The following SLC9A9 variants were observed in gnomAD, a reference collection of about 807,000 sequenced individuals.
SLC9A9 encodes the protein sodium/hydrogen exchanger 9.
Under a neutral mutation model 77.8 loss-of-function variants are expected in SLC9A9, and 62 were observed. That is an observed-to-expected ratio of 0.80 (90% confidence interval 0.65 to 0.98). The LOEUF (loss-of-function observed/expected upper bound fraction) is 0.98, where lower values mean the gene tolerates loss of function less well. Among genes scored for constraint, SLC9A9 ranks in the 50% least tolerant of loss-of-function variants. The pLI is 0.00. For synonymous variants in SLC9A9, 320 were observed against 283.5 expected, an observed-to-expected ratio of 1.13 and a Z score of -1.29; for missense variants, 775 against 774.9, an observed-to-expected ratio of 1.00 and a Z score of 0.00.
intron 12 of SLC9A9, among the ~76,000 whole-genome samples, chr3:143,436,384 G>A (rs577887588): frequency 6.6e-6 from 1 of 152,320 alleles, no homozygotes; most frequent in African/African-American, 2.4e-5. Flanking sequence ...AGGCCCTGTT[G>A]CTCATCACTG....
At position 143,640,316 on chromosome 3, in the gene SLC9A9, C is replaced by T. The variant is rs985037661; in HGVS notation, c.755+11939G>A. Among the ~76,000 whole-genome samples the T allele has an allele frequency of 7.2e-5, 11 of 152,250 alleles. No individual in the cohort carries two copies. In the South Asian group the frequency reaches 1.0e-3, roughly 14 times the overall value. The stretch of plus-strand genomic sequence containing the variant: ...GATTACAGGCGTGAGCCACCGTGCG[C>T]AACCTTGTAATTTCTTAGTTTATTA... On this transcript the variant is annotated intron_variant, in intron 6 of 15. Transcript: ENST00000316549.
chr3:143,705,071 A>C (rs999340167), intron 4 of SLC9A9, among the ~76,000 whole-genome samples: 2 of 148,730 alleles, frequency 1.3e-5, no homozygotes, highest in Non-Finnish European at 3.0e-5. Flanking sequence ...ATATAGATAT[A>C]TATATTATGA....
At chr3:143,787,571 T>G (rs2108852218) in intron 4 of SLC9A9, among the ~76,000 whole-genome samples, 3 of 152,324 alleles carry the variant, frequency 2.0e-5, no homozygotes, top group Middle Eastern at 6.8e-3. Context: ...TTACAGGACT[T>G]GATTTGTTTA....
At chr3:143,730,536 C>T (rs574758266) in intron 4 of SLC9A9, among the ~76,000 whole-genome samples, 68 of 152,148 alleles carry the variant, frequency 4.5e-4, no homozygotes, top group Non-Finnish European at 8.7e-4. Flanking sequence ...CTGCATGACC[C>T]GTATGACCTA....
chr3:143,418,720 G>A (rs1021325403), intron 12 of SLC9A9, among the ~76,000 whole-genome samples: 10 of 152,192 alleles, frequency 6.6e-5, no homozygotes, highest in Admixed American at 2.0e-4. Context: ...GAGAAACCTA[G>A]TAAGCTTGCT....
At chr3:143,358,675 C>T (rs372161748) in intron 14 of SLC9A9, among the ~76,000 whole-genome samples, 1 of 152,128 alleles carries the variant, frequency 6.6e-6, no homozygotes, top group East Asian at 1.9e-4. Context: ...TGTAACACTG[C>T]AAATCCATGC....
intron 4 of SLC9A9, among the ~76,000 whole-genome samples, chr3:143,772,622 A>G (rs73011418): frequency 0.013 from 2,045 of 152,274 alleles, 46 homozygotes; most frequent in African/African-American, 0.046. Context: ...TAGCACTTAA[A>G]CACTCTTAGA....
chr3:143,605,777 G>A (rs777290090), intron 6 of SLC9A9, among the ~76,000 whole-genome samples: 13 of 152,186 alleles, frequency 8.5e-5, no homozygotes, highest in Non-Finnish European at 1.5e-4. Context: ...GCTGACAGGT[G>A]TATAGAACCG....
chr3:143,467,947 T>C (rs768750152), intron 11 of SLC9A9, among the ~76,000 whole-genome samples: 1 of 152,238 alleles, frequency 6.6e-6, no homozygotes, highest in Non-Finnish European at 1.5e-5. Flanking sequence ...GAATTGCCTT[T>C]TTTTAACCCA....
chr3:143,575,505 A>G (rs1309072583), intron 7 of SLC9A9, among the ~76,000 whole-genome samples: 2 of 152,130 alleles, frequency 1.3e-5, no homozygotes, highest in African/African-American at 4.8e-5. Flanking sequence ...GTCTAAATTA[A>G]TTTTTGGTTT....
chr3:143,359,490 G>T (rs2032680755), intron 14 of SLC9A9, among the ~76,000 whole-genome samples: 2 of 152,140 alleles, frequency 1.3e-5, no homozygotes, highest in South Asian at 4.2e-4. Flanking sequence ...AAGAGGTAAA[G>T]GAAGGAAGCA....
intron 12 of SLC9A9, among the ~76,000 whole-genome samples, chr3:143,409,677 C>T (rs925216442): frequency 6.6e-6 from 1 of 152,214 alleles, no homozygotes; most frequent in Non-Finnish European, 1.5e-5. Flanking sequence ...CTGCCTGGTT[C>T]TGTTTTCCAA....
intron 8 of SLC9A9, among the ~76,000 whole-genome samples, chr3:143,554,371 C>T (rs557486472): frequency 6.6e-6 from 1 of 152,282 alleles, no homozygotes; most frequent in South Asian, 2.1e-4. Flanking sequence ...AGCATCCATT[C>T]TTTTTGCTGC....
intron 2 of SLC9A9, among the ~76,000 whole-genome samples, chr3:143,803,570 G>A (rs1466506339): frequency 6.6e-6 from 1 of 152,136 alleles, no homozygotes; most frequent in Non-Finnish European, 1.5e-5. Context: ...GTGGATAGAG[G>A]ATCTTTGCTG....
At chr3:143,285,476 G>A (rs1367213937) in intron 14 of SLC9A9, among the ~76,000 whole-genome samples, 2 of 150,384 alleles carry the variant, frequency 1.3e-5, no homozygotes, top group African/African-American at 5.0e-5. Context: ...AGTATGAAGT[G>A]GTGAAGCCAG....
intron 4 of SLC9A9, among the ~76,000 whole-genome samples, chr3:143,791,347 T>A (rs1226730819): frequency 6.6e-6 from 1 of 152,222 alleles, no homozygotes; most frequent in South Asian, 2.1e-4. Flanking sequence ...AAAGACCTTG[T>A]TCATGCAAAT....
chr3:143,590,813 C>T (rs549413713), intron 6 of SLC9A9, among the ~76,000 whole-genome samples: 9 of 152,136 alleles, frequency 5.9e-5, no homozygotes, highest in African/African-American at 1.4e-4. Context: ...ATGAAAACAA[C>T]GGAGTTTGCT....
chr3:143,526,563 C>T (rs527862216), intron 9 of SLC9A9, among the ~76,000 whole-genome samples: 2 of 152,286 alleles, frequency 1.3e-5, no homozygotes, highest in African/African-American at 4.8e-5. Context: ...ATTGTCCCTG[C>T]CATCATCCTT....
At chr3:143,688,771 C>G (rs1933359584) in intron 5 of SLC9A9, among the ~76,000 whole-genome samples, 1 of 152,000 alleles carries the variant, frequency 6.6e-6, no homozygotes, top group Admixed American at 6.6e-5. Context: ...CATGTTCTTT[C>G]AATCAACCTC....
Sources: gnomAD v4.1 joint callset for allele counts (sites outside exome capture counted in the v4.1 genomes callset) on GRCh38, gnomAD v4.1.1 for gene constraint, MANE v1.5 for transcripts, NCBI Gene and HGNC (gene_info 2026-07-23, HGNC 2026-07-21) for gene names.